Variants in ATP2C1 observed in about 807,000 individuals in gnomAD.
ATP2C1 encodes the protein ATPase secretory pathway Ca2+ transporting 1.
ATP2C1 carries 31 observed loss-of-function variants against 120.5 expected under a neutral mutation model. That is an observed-to-expected ratio of 0.26 (90% CI 0.19 to 0.35). The LOEUF (loss-of-function observed/expected upper bound fraction) is 0.35, where lower values mean the gene tolerates loss of function less well. ATP2C1 is among the 10% of genes least tolerant of loss of function. The pLI is 1.00. For synonymous variants in ATP2C1, 351 were observed against 358.7 expected, an observed-to-expected ratio of 0.98 and a Z score of 0.24; for missense variants, 731 against 1,107.5, an observed-to-expected ratio of 0.66 and a Z score of 4.83.
intron 2 of ATP2C1, among the ~76,000 whole-genome samples, chr3:130,924,385 A>G (rs2059109680): frequency 6.6e-6 from 1 of 152,214 alleles, no homozygotes; most frequent in Non-Finnish European, 1.5e-5. Flanking sequence ...TTGTTGAAGG[A>G]GGCTAAATAT....
chr3:130,935,941 T>C (rs897584165), intron 5 of ATP2C1, among the ~76,000 whole-genome samples: 1 of 152,210 alleles, frequency 6.6e-6, no homozygotes, highest in Admixed American at 6.5e-5. Context: ...CAAACTAGCC[T>C]TGTACTTGAA....
At chr3:130,892,542 A>G (rs1025447209), upstream of ATP2C1, among the ~76,000 whole-genome samples, 3 of 152,026 alleles carry the variant, frequency 2.0e-5, no homozygotes, top group Admixed American at 2.0e-4. Flanking sequence ...ATATTTCTTA[A>G]AAGAAAGGTA....
intron 1 of ATP2C1, among the ~76,000 whole-genome samples, chr3:130,872,569 G>A (rs375897105): frequency 6.6e-6 from 1 of 151,218 alleles, no homozygotes; most frequent in Non-Finnish European, 1.5e-5. Context: ...ACTCCCATTT[G>A]AGGAGTACTT....
chr3:130,941,277 C>T (rs887594316), intron 7 of ATP2C1, among the ~76,000 whole-genome samples: 11 of 141,460 alleles, frequency 7.8e-5, no homozygotes, highest in Admixed American at 4.1e-4. Context: ...TGTGTGTGTG[C>T]GCGCACGCGC....
At chr3:130,928,982 T>C (rs922976450) in intron 2 of ATP2C1, among the ~76,000 whole-genome samples, 2 of 152,218 alleles carry the variant, frequency 1.3e-5, no homozygotes, top group African/African-American at 2.4e-5. Context: ...TAGTTTGTTT[T>C]ATAGATTTGA....
At chr3:130,907,896 A>C (rs1033985073) in intron 2 of ATP2C1, among the ~76,000 whole-genome samples, 1 of 152,070 alleles carries the variant, frequency 6.6e-6, no homozygotes, top group Non-Finnish European at 1.5e-5. Context: ...ACTTAGGTAC[A>C]AACATAAGAC....
At chr3:130,902,082 T>C (rs549140730) in intron 2 of ATP2C1, among the ~76,000 whole-genome samples, 11 of 152,118 alleles carry the variant, frequency 7.2e-5, no homozygotes, top group Admixed American at 5.2e-4. Flanking sequence ...GGCAAGGAAG[T>C]TGACTCCTCT....
chr3:130,993,765 T>C (rs991664260), intron 21 of ATP2C1, among the ~76,000 whole-genome samples, 167 bp from the exon 22 acceptor site: 2 of 152,246 alleles, frequency 1.3e-5, no homozygotes, highest in Non-Finnish European at 2.9e-5. Context: ...CTAAGCTTTA[T>C]CTTACTGAGA....
chr3:130,990,738 A>G (rs2062295193), intron 20 of ATP2C1, among the ~76,000 whole-genome samples: 2 of 152,144 alleles, frequency 1.3e-5, no homozygotes, highest in African/African-American at 2.4e-5. Flanking sequence ...AGTGTGGGCA[A>G]TGGTTTTGGA....
At chr3:130,903,586 A>C (rs1231659554) in intron 2 of ATP2C1, among the ~76,000 whole-genome samples, 1 of 151,776 alleles carries the variant, frequency 6.6e-6, no homozygotes, top group Admixed American at 6.6e-5. Flanking sequence ...GAAGGTATAA[A>C]GGAATCTAAA....
At chr3:130,906,932 AAGTT>A (rs2058153365) in intron 2 of ATP2C1, among the ~76,000 whole-genome samples, 1 of 152,056 alleles carries the variant, frequency 6.6e-6, no homozygotes, top group African/African-American at 2.4e-5. Flanking sequence ...ATTTTGCGAT[AAGTT>A]AGTTTTGCAA....
intron 19 of ATP2C1, 121 bp downstream of exon 19, chr3:130,979,540 C>T (rs907211408): frequency 4.9e-5 from 55 of 1,119,958 alleles, no homozygotes; most frequent in African/African-American, 3.6e-4. Context: ...CAATTGAAAT[C>T]GACTCATGGT....
At chr3:130,874,177 A>T (rs1325108749) in intron 1 of ATP2C1, among the ~76,000 whole-genome samples, 1 of 152,040 alleles carries the variant, frequency 6.6e-6, no homozygotes, top group Non-Finnish European at 1.5e-5. Flanking sequence ...GCATGCAACT[A>T]TATAAGTAAA....
At chr3:130,908,098 CTG>C (rs2058223550) in intron 2 of ATP2C1, among the ~76,000 whole-genome samples, 2 of 152,012 alleles carry the variant, frequency 1.3e-5, no homozygotes, top group South Asian at 2.1e-4. Flanking sequence ...CTTGGCTAGA[CTG>C]TGGGGAAAAT....
intron 1 of ATP2C1, among the ~76,000 whole-genome samples, chr3:130,872,961 G>A (rs2068483897): frequency 6.6e-6 from 1 of 152,272 alleles, no homozygotes; most frequent in Non-Finnish European, 1.5e-5. Context: ...AATTTCTCCA[G>A]TAATGGTATC....
At chr3:130,889,208 G>C (rs1242650499), upstream of ATP2C1, among the ~76,000 whole-genome samples, 1 of 152,182 alleles carries the variant, frequency 6.6e-6, no homozygotes, top group East Asian at 1.9e-4. Flanking sequence ...TTTGGGATAT[G>C]AGAGGAAACC....
intron 19 of ATP2C1, among the ~76,000 whole-genome samples, chr3:130,980,305 T>G (rs2061700036): frequency 6.6e-6 from 1 of 151,852 alleles, no homozygotes; most frequent in African/African-American, 2.4e-5. Context: ...AGGCTGGTCT[T>G]GAACTCCTGG....
chr3:130,915,224 G>C (rs2108176531), intron 2 of ATP2C1, among the ~76,000 whole-genome samples: 1 of 152,032 alleles, frequency 6.6e-6, no homozygotes, highest in East Asian at 1.9e-4. Context: ...CTCCCAAGTA[G>C]CTAGGATTAA....
chr3:130,987,300 G>A (rs1197943724), intron 20 of ATP2C1, among the ~76,000 whole-genome samples: 3 of 149,616 alleles, frequency 2.0e-5, no homozygotes, highest in Admixed American at 1.3e-4. Flanking sequence ...ACGTAGCCTC[G>A]TCTTCTGCTT....
Sources: allele counts gnomAD v4.1 joint callset (sites outside exome capture counted in the v4.1 genomes callset), GRCh38; gene constraint gnomAD v4.1.1; transcripts MANE v1.5; gene names NCBI Gene and HGNC (gene_info 2026-07-23, HGNC 2026-07-21).